The following GJC1 variants were observed in gnomAD, a reference collection of about 807,000 sequenced individuals.
GJC1 encodes gap junction gamma-1 protein.
Under a neutral mutation model 29.3 loss-of-function variants are expected in GJC1, and 5 were observed. The observed-to-expected ratio is 0.17, with a 90% confidence interval of 0.09 to 0.36. The LOEUF (loss-of-function observed/expected upper bound fraction) is 0.36, where lower values mean the gene tolerates loss of function less well. GJC1 is among the 10% of genes least tolerant of loss of function. GJC1 has a pLI of 1.00. For synonymous variants in GJC1, 177 were observed against 183.3 expected, an observed-to-expected ratio of 0.97 and a Z score of 0.28; for missense variants, 310 against 496.2, an observed-to-expected ratio of 0.62 and a Z score of 3.56.
At chr17:44,808,021 T>C (rs2049931499) in intron 1 of GJC1, 2 of 152,216 alleles carry the variant, frequency 1.3e-5, no homozygotes, top group Non-Finnish European at 2.9e-5. Flanking sequence ...AACACCTGCA[T>C]CTGTACTGGA....
At chr17:44,795,081 CCTGTTT>C (rs1390464208), downstream of GJC1, 1 of 152,260 alleles carries the variant, frequency 6.6e-6, no homozygotes, top group African/African-American at 2.4e-5. Flanking sequence ...TGAGTCACTT[CCTGTTT>C]CTAAGTTCCT....
intron 1 of GJC1, among the ~76,000 whole-genome samples, chr17:44,817,139 G>A (rs1164190125): frequency 6.6e-6 from 1 of 151,788 alleles, no homozygotes. Context: ...CCAGGAGGCG[G>A]TGGTTGCAGT....
chr17:44,811,729 C>T (rs1167035156), intron 1 of GJC1, among the ~76,000 whole-genome samples: 4 of 151,958 alleles, frequency 2.6e-5, no homozygotes, highest in Non-Finnish European at 2.9e-5. Context: ...AATAGGCCGG[C>T]GCGGTGGCTC....
At chr17:44,819,764 GT>G (rs995818830) in intron 1 of GJC1, among the ~76,000 whole-genome samples, 1 of 151,882 alleles carries the variant, frequency 6.6e-6, no homozygotes, top group Non-Finnish European at 1.5e-5. Context: ...TACATACCAC[GT>G]TTTTTTTATC....
intron 1 of GJC1, among the ~76,000 whole-genome samples, chr17:44,811,662 C>T (rs1194340728): frequency 6.6e-6 from 1 of 152,098 alleles, no homozygotes. Context: ...ACTAGGATTA[C>T]AAGCATGAGC....
rs2049802432 is a variant in GJC1 at position 44,798,607 on chromosome 17, T to C, written c.*6020A>G. On this transcript the variant is annotated 3_prime_UTR_variant, in exon 3 of 3. Coordinates refer to ENST00000592524, the MANE Select transcript of GJC1 (RefSeq NM_005497.4). ...ACTAGAACAGGTGATTCCTTAGCTG[T>C]TCATGCAATATCCAAACTGCACACC... The C allele has an allele frequency of 6.6e-6, 1 of 152,334 alleles. No individual in the cohort carries two copies. The highest frequency in any genetic ancestry group is 1.9e-4 in the East Asian group (1 of 5,196). The allele number at this position is 152,334 out of a possible 1,614,324, so 9.4% of individuals were successfully genotyped here.
Position 44,821,697 on chromosome 17 carries a change from C to CAAAAAAA in GJC1, c.-97+8358_-97+8364dup, listed in dbSNP as rs61303163. 8.9e-4 allele frequency among the ~76,000 whole-genome samples: 52 copies of CAAAAAAA among 58,348 alleles called. 1 individual carries two copies. The highest frequency in any genetic ancestry group is 1.6e-3 in the African/African-American group (20 of 12,858). The allele number at this position is 58,348 out of a possible 152,430, so 38.3% of individuals were successfully genotyped here. On this transcript the variant is annotated intron_variant, in intron 1 of 2. Transcript: ENST00000592524. ...GGGCAACAAGAGGGAAACTCCGTCT[C>CAAAAAAA]AAAAAAAAAAAAAAAAAAAAAAAAA... is the stretch of plus-strand genomic sequence containing the variant.
chr17:44,795,677 G>A (rs1376216962), downstream of GJC1, among the ~76,000 whole-genome samples: 2 of 152,242 alleles, frequency 1.3e-5, no homozygotes, highest in Non-Finnish European at 1.5e-5. Context: ...CAGGCTGTGG[G>A]GCTCTGACCC....
In GJC1 at chr17:44,804,272, T is replaced by C. The variant is rs1326584464; in HGVS notation, c.*355A>G. On this transcript the variant is annotated 3_prime_UTR_variant, in exon 3 of 3. Transcript: ENST00000592524. Reference sequence around the variant, plus strand: ...TAAAAGTATAACTACAGCAGTTCAATGTACAAATACAAAAAAAGTTCTCAT... The same window carrying C: ...TAAAAGTATAACTACAGCAGTTCAACGTACAAATACAAAAAAAGTTCTCAT... The C allele has an allele frequency of 2.1e-5, 4 of 189,798 alleles. No homozygotes were observed. Among genetic ancestry groups the C allele is most frequent in the African/African-American group, 4.7e-5 (2 of 42,144 alleles). 11.8% of individuals were successfully genotyped at this position (189,798 alleles called of 1,614,324 possible). A position where few individuals can be genotyped will look rare whatever the true frequency, so the allele number is the denominator to read the frequency against.
At chr17:44,808,588 AAAC>A (rs147095038) in intron 1 of GJC1, among the ~76,000 whole-genome samples, 89 of 152,076 alleles carry the variant, frequency 5.9e-4, no homozygotes, top group African/African-American at 1.1e-3. Context: ...AGTCTTCACC[AAAC>A]AACAACAACA....
intron 1 of GJC1, among the ~76,000 whole-genome samples, chr17:44,827,698 C>A (rs1012862042): frequency 6.6e-6 from 1 of 151,724 alleles, no homozygotes; most frequent in Non-Finnish European, 1.5e-5. Context: ...TCTGGGAGGC[C>A]GAGGCGGGAG....
chr17:44,823,338 G>A (rs1310694450), intron 1 of GJC1, among the ~76,000 whole-genome samples: 2 of 140,140 alleles, frequency 1.4e-5, no homozygotes, highest in East Asian at 2.2e-4. Flanking sequence ...TGCAAACTCC[G>A]CCTCCCGGGT....
intron 1 of GJC1, among the ~76,000 whole-genome samples, chr17:44,811,969 C>T (rs185164651): frequency 1.3e-5 from 2 of 150,944 alleles, no homozygotes; most frequent in Admixed American, 6.6e-5. Context: ...TCCCATTGCA[C>T]TCCGGCCTGG....
chr17:44,822,536 G>A (rs897000961), intron 1 of GJC1, among the ~76,000 whole-genome samples: 1 of 151,430 alleles, frequency 6.6e-6, no homozygotes, highest in Non-Finnish European at 1.5e-5. Flanking sequence ...TCAGCTACTC[G>A]GGAGGCTGAG....
At chr17:44,816,477 G>A (rs1213974045) in intron 1 of GJC1, among the ~76,000 whole-genome samples, 1 of 152,080 alleles carries the variant, frequency 6.6e-6, no homozygotes, top group African/African-American at 2.4e-5. Flanking sequence ...CTGTTTTTCT[G>A]TAAAACATAA....
chr17:44,822,600 G>A (rs2050125090), intron 1 of GJC1, among the ~76,000 whole-genome samples: 1 of 131,554 alleles, frequency 7.6e-6, no homozygotes, highest in Admixed American at 9.4e-5. Context: ...CCAAGATCAT[G>A]CCATTGCACT....
chr17:44,810,197 A>C (rs1244098749), intron 1 of GJC1, among the ~76,000 whole-genome samples: 2 of 149,588 alleles, frequency 1.3e-5, no homozygotes, highest in African/African-American at 4.9e-5. Context: ...GGTTATCACC[A>C]TGTTGGCCAG....
chr17:44,820,528 G>A (rs2050095258), intron 1 of GJC1, among the ~76,000 whole-genome samples: 1 of 152,134 alleles, frequency 6.6e-6, no homozygotes, highest in African/African-American at 2.4e-5. Context: ...GAAAAGTAAA[G>A]TAATAGCAGT....
chr17:44,797,504 C>T (rs1307814907), downstream of GJC1: 1 of 152,154 alleles, frequency 6.6e-6, no homozygotes, highest in African/African-American at 2.4e-5. Flanking sequence ...TGAGCACCCG[C>T]TAACAGCTGC....
Sources: gnomAD v4.1 joint callset for allele counts (sites outside exome capture counted in the v4.1 genomes callset) on GRCh38, gnomAD v4.1.1 for gene constraint, MANE v1.5 for transcripts, NCBI Gene and HGNC (gene_info 2026-07-23, HGNC 2026-07-21) for gene names.